The following NFASC variants were observed in gnomAD, a reference collection of about 807,000 sequenced individuals.
NFASC encodes the protein neurofascin homolog.
A neutral mutation model predicts 147.5 loss-of-function variants in NFASC; 43 were observed. The ratio of observed to expected loss-of-function variants is 0.29; its 90% CI spans 0.23 to 0.38. The LOEUF is 0.38. NFASC is among the 10% of genes least tolerant of loss of function. NFASC has a pLI of 1.00. For synonymous variants in NFASC, 622 were observed against 665.5 expected, an observed-to-expected ratio of 0.93 and a Z score of 1.01; for missense variants, 1,320 against 1,689.0, an observed-to-expected ratio of 0.78 and a Z score of 3.83.
chr1:204,955,077 C>T, intron 7 of NFASC, 126 bp downstream of exon 7: 1 of 1,166,908 alleles, frequency 8.6e-7, no homozygotes, highest in Non-Finnish European at 1.2e-6. Context: ...TGCAATGTGG[C>T]AACCAGGCTG....
Position 205,001,306 on chromosome 1 carries a change from G to A in NFASC, c.3136+20G>A. On this transcript the variant is annotated intron_variant, in intron 26 of 29. Transcript: ENST00000339876. The stretch of plus-strand genomic sequence containing the variant: ...TCGACAGTAAGCATTGCTGTGCGGG[G>A]TGGTGGTGGCGGCAGCGGCGTCGGC... The A allele has an allele frequency of 2.6e-6, 4 of 1,539,144 alleles. No homozygotes were observed. The highest frequency in any genetic ancestry group is 1.4e-5 in the African/African-American group (1 of 73,576).
At chr1:205,012,932 C>A in intron 29 of NFASC, 66 bp downstream of exon 29, 1 of 1,153,784 alleles carries the variant, frequency 8.7e-7, no homozygotes, top group South Asian at 1.2e-5. Flanking sequence ...ACCACCCTCC[C>A]CTCAGAGTAG....
chr1:204,924,811 G>A (rs2091188342), intron 2 of NFASC, among the ~76,000 whole-genome samples: 3 of 152,192 alleles, frequency 2.0e-5, no homozygotes, highest in South Asian at 2.1e-4. Context: ...AAGCCTTATC[G>A]CAAATCAGTA....
At chr1:204,914,496 C>T (rs1198121386) in intron 1 of NFASC, among the ~76,000 whole-genome samples, 2 of 152,212 alleles carry the variant, frequency 1.3e-5, no homozygotes, top group South Asian at 2.1e-4. Context: ...GCCTCCCCAG[C>T]CATGCTGAAC....
intron 1 of NFASC, among the ~76,000 whole-genome samples, chr1:204,915,216 G>A (rs1436928350): frequency 6.6e-6 from 1 of 152,152 alleles, no homozygotes; most frequent in African/African-American, 2.4e-5. Context: ...AGGAGGCAGA[G>A]CTTGCAGTGA....
chr1:204,971,081 G>A (rs1332312956), intron 11 of NFASC, among the ~76,000 whole-genome samples: 2 of 152,166 alleles, frequency 1.3e-5, no homozygotes, highest in African/African-American at 2.4e-5. Flanking sequence ...CTGCATCTCT[G>A]GGTGGTTGGG....
intron 1 of NFASC, among the ~76,000 whole-genome samples, chr1:204,909,910 G>A (rs2086936986): frequency 6.6e-6 from 1 of 150,870 alleles, no homozygotes; most frequent in Non-Finnish European, 1.5e-5. Flanking sequence ...TTCTATTTTG[G>A]GTTTTTTTTT....
At chr1:204,989,429 G>A (rs1271598472) in intron 23 of NFASC, 5 of 153,370 alleles carry the variant, frequency 3.3e-5, no homozygotes, top group Non-Finnish European at 7.3e-5. Context: ...CCTGGGTCCA[G>A]GCGTCATCTG....
chr1:204,914,893 A>G (rs1276122262), intron 1 of NFASC, among the ~76,000 whole-genome samples: 1 of 152,236 alleles, frequency 6.6e-6, no homozygotes. Flanking sequence ...TCTATATGAA[A>G]TGATTACAAG....
intron 1 of NFASC, among the ~76,000 whole-genome samples, chr1:204,889,961 GC>G (rs1443892391): frequency 6.6e-6 from 1 of 152,150 alleles, no homozygotes; most frequent in Non-Finnish European, 1.5e-5. Context: ...TCTCTTTCCT[GC>G]TGTTCTGTGT....
intron 1 of NFASC, among the ~76,000 whole-genome samples, chr1:204,869,235 G>C (rs546023209): frequency 2.6e-5 from 4 of 152,192 alleles, no homozygotes; most frequent in Admixed American, 2.6e-4. Context: ...CACAACATGA[G>C]CCTGTCCCAA....
chr1:204,974,425 C>T, intron 13 of NFASC, 135 bp downstream of exon 13: 1 of 810,036 alleles, frequency 1.2e-6, no homozygotes, highest in East Asian at 2.7e-5. Flanking sequence ...GTTAGCAGAT[C>T]ATCTGGATCA....
chr1:204,906,722 G>A (rs1005274245), intron 1 of NFASC, among the ~76,000 whole-genome samples: 3 of 148,164 alleles, frequency 2.0e-5, no homozygotes, highest in Admixed American at 6.7e-5. Flanking sequence ...TCGCTCTGTT[G>A]CCCAGGCTGG....
At chr1:204,879,382 C>T (rs1386040068) in intron 1 of NFASC, among the ~76,000 whole-genome samples, 3 of 152,238 alleles carry the variant, frequency 2.0e-5, no homozygotes, top group Non-Finnish European at 4.4e-5. Flanking sequence ...GTACAGTGAT[C>T]TCTGTTTTAT....
At chr1:204,981,360 G>A (rs1008261496) in intron 20 of NFASC, among the ~76,000 whole-genome samples, 3 of 152,284 alleles carry the variant, frequency 2.0e-5, no homozygotes, top group Non-Finnish European at 4.4e-5. Flanking sequence ...AAATTCGGTA[G>A]AACTAAAGTC....
chr1:204,890,114 T>C (rs943376094), intron 1 of NFASC, among the ~76,000 whole-genome samples: 5 of 152,126 alleles, frequency 3.3e-5, no homozygotes, highest in African/African-American at 9.7e-5. Flanking sequence ...CACAGGCAAA[T>C]TGGTTGACTT....
At chr1:204,960,234 A>C (rs2094603031) in intron 8 of NFASC, among the ~76,000 whole-genome samples, 1 of 152,270 alleles carries the variant, frequency 6.6e-6, no homozygotes, top group Non-Finnish European at 1.5e-5. Context: ...AATAAATCTC[A>C]TCATGTCCCA....
intron 1 of NFASC, among the ~76,000 whole-genome samples, chr1:204,833,368 G>A (rs1405100129): frequency 6.6e-6 from 1 of 152,216 alleles, no homozygotes; most frequent in Non-Finnish European, 1.5e-5. Context: ...GAACAGGTGA[G>A]TTGCAGAGCT....
chr1:204,938,139 C>T (rs1020074217), intron 2 of NFASC, among the ~76,000 whole-genome samples: 10 of 152,186 alleles, frequency 6.6e-5, no homozygotes, highest in African/African-American at 2.2e-4. Context: ...GTGGGAGCCA[C>T]GGGATCTCAT....
Sources: gnomAD v4.1 joint callset for allele counts (sites outside exome capture counted in the v4.1 genomes callset) on GRCh38, gnomAD v4.1.1 for gene constraint, MANE v1.5 for transcripts, NCBI Gene and HGNC (gene_info 2026-07-23, HGNC 2026-07-21) for gene names.